RNF130: variants seen among roughly 807,000 people sequenced by gnomAD.
RNF130 encodes the protein E3 ubiquitin-protein ligase RNF130.
In RNF130, 21 loss-of-function variants were observed where a neutral mutation model predicts 44.6. The ratio of observed to expected loss-of-function variants is 0.47; its 90% CI spans 0.33 to 0.68. The LOEUF (loss-of-function observed/expected upper bound fraction) is 0.68. Ranked by LOEUF, RNF130 falls within the 30% of genes least tolerant of loss-of-function variation. RNF130 has a pLI of 0.02. For synonymous variants in RNF130, 214 were observed against 210.4 expected, an observed-to-expected ratio of 1.02 and a Z score of -0.15; for missense variants, 479 against 560.6, an observed-to-expected ratio of 0.85 and a Z score of 1.47.
chr5:179,921,318 G>T (rs893595132), intron 7 of RNF130, among the ~76,000 whole-genome samples: 3 of 152,176 alleles, frequency 2.0e-5, no homozygotes, highest in Non-Finnish European at 4.4e-5. Flanking sequence ...AGATTAGTTT[G>T]CATCTTTCTA....
chr5:180,037,506 G>C (rs1764277089), intron 2 of RNF130, among the ~76,000 whole-genome samples: 1 of 152,156 alleles, frequency 6.6e-6, no homozygotes, highest in East Asian at 1.9e-4. Context: ...GAAAACCTGG[G>C]ACTAAAACTA....
intron 5 of RNF130, among the ~76,000 whole-genome samples, chr5:179,975,852 C>A (rs1022672704): frequency 6.6e-6 from 1 of 152,146 alleles, no homozygotes; most frequent in Admixed American, 6.5e-5. Flanking sequence ...GCAGGTGCAG[C>A]GCAGAAATGG....
rs544523505 is a variant in RNF130, at chr5:180,006,632, G to C, written c.693+6429C>G. ...ATATTCAGGAGTCCATTAAGTGGCA[G>C]AATATTTTACATCTGCCCCGTTCCT... On this transcript the variant is annotated intron_variant, in intron 3 of 8. Coordinates refer to ENST00000521389, the MANE Select transcript of RNF130 (RefSeq NM_018434.6). Among the ~76,000 whole-genome samples, 29 of 152,318 alleles carry C rather than the reference G, an allele frequency of 1.9e-4. No homozygotes were observed. The South Asian group carries it at 3.7e-3, about 20-fold the overall frequency.
At chr5:179,922,248 C>T (rs888751962) in intron 7 of RNF130, among the ~76,000 whole-genome samples, 2 of 149,338 alleles carry the variant, frequency 1.3e-5, no homozygotes, top group Admixed American at 6.6e-5. Flanking sequence ...CGTGTATCTT[C>T]GTTTGTGAAG....
At chr5:179,963,853 A>C in intron 7 of RNF130, 1 of 372,274 alleles carries the variant, frequency 2.7e-6, no homozygotes, top group Non-Finnish European at 5.0e-6. Context: ...CGGTGAAAAT[A>C]TGTATATAAA....
At chr5:179,999,091 C>G (rs994339620) in intron 3 of RNF130, among the ~76,000 whole-genome samples, 6 of 145,696 alleles carry the variant, frequency 4.1e-5, no homozygotes, top group Admixed American at 1.4e-4. Flanking sequence ...GGTGTGATCT[C>G]AACTCACTGC....
intron 5 of RNF130, among the ~76,000 whole-genome samples, chr5:179,974,580 T>C (rs1037482641): frequency 1.3e-5 from 2 of 152,310 alleles, no homozygotes; most frequent in East Asian, 1.9e-4. Context: ...CTAGCTGAGC[T>C]TGTGAATCGT....
downstream of RNF130, among the ~76,000 whole-genome samples, chr5:179,953,163 G>A (rs1762152593): frequency 6.6e-6 from 1 of 152,162 alleles, no homozygotes; most frequent in African/African-American, 2.4e-5. Context: ...AAAGATCAAT[G>A]TAGAAAAATT....
chr5:179,936,905 A>G (rs1199287285), intron 7 of RNF130, among the ~76,000 whole-genome samples: 1 of 152,212 alleles, frequency 6.6e-6, no homozygotes, highest in East Asian at 1.9e-4. Flanking sequence ...GGATATCCAC[A>G]TGCAAAAAAA....
chr5:180,016,974 G>A (rs914872254), intron 2 of RNF130, among the ~76,000 whole-genome samples: 3 of 152,150 alleles, frequency 2.0e-5, no homozygotes, highest in African/African-American at 7.2e-5. Flanking sequence ...TTTAATAGAT[G>A]GTCCATTTTC....
chr5:179,984,836 T>C (rs1225057929), intron 3 of RNF130, among the ~76,000 whole-genome samples: 1 of 152,178 alleles, frequency 6.6e-6, no homozygotes, highest in Non-Finnish European at 1.5e-5. Context: ...GTATGAAACA[T>C]TTCCAGTGCC....
At position 179,991,635 on chromosome 5, in the gene RNF130, C is replaced by T. The variant is rs115593097; in HGVS notation, c.694-11435G>A. ...TTCCACTTGATCTAGATCAGTGGCC[C>T]CCAACCTTTTTGGCACCAGTGACTG... On this transcript the variant is annotated intron_variant, in intron 3 of 8. Transcript: ENST00000521389. 1.7e-3 allele frequency among the ~76,000 whole-genome samples: 259 copies of T among 152,204 alleles called. 1 individual carries two copies. Among genetic ancestry groups the T allele is most frequent in the African/African-American group, 5.9e-3 (247 of 41,546 alleles).
chr5:179,999,688 G>A (rs1763289877), intron 3 of RNF130, among the ~76,000 whole-genome samples: 2 of 152,166 alleles, frequency 1.3e-5, no homozygotes. Context: ...CTGCACTCCA[G>A]CCTAGGCGAG....
At chr5:180,018,230 G>C (rs1561694769) in intron 2 of RNF130, among the ~76,000 whole-genome samples, 1 of 151,250 alleles carries the variant, frequency 6.6e-6, no homozygotes, top group Non-Finnish European at 1.5e-5. Context: ...GGGTGGTGGA[G>C]GTTTCAGTGA....
intron 8 of RNF130, 115 bp from the exon 9 acceptor site, chr5:179,955,784 C>T: frequency 6.3e-6 from 5 of 799,088 alleles, no homozygotes; most frequent in Non-Finnish European, 1.0e-5. Context: ...TAGTTCCCAA[C>T]CCCTCTGGTA....
intron 7 of RNF130, among the ~76,000 whole-genome samples, chr5:179,949,267 A>ATT (rs770299135): frequency 7.0e-6 from 1 of 143,494 alleles, no homozygotes. Context: ...TGCCCAGACA[A>ATT]TTTTTTTTTT....
At position 180,065,898 on chromosome 5, in the gene RNF130, G is replaced by A. The variant is rs926186660; in HGVS notation, c.247+5558C>T. On this transcript the variant is annotated intron_variant, in intron 1 of 8. Coordinates refer to ENST00000521389, the MANE Select transcript of RNF130 (RefSeq NM_018434.6). ...AGGTATCTTATTCACAACTGCCTCGGAATAACTTTCAATTATTGTCCAAAT... is the reference window on the plus strand; with the variant it reads ...AGGTATCTTATTCACAACTGCCTCGAAATAACTTTCAATTATTGTCCAAAT... Among the ~76,000 whole-genome samples, 7 of 151,838 alleles carry A rather than the reference G, an allele frequency of 4.6e-5. No homozygotes were observed. In the East Asian group the frequency reaches 7.7e-4, roughly 17 times the overall value.
At chr5:179,935,715 A>G (rs1207608652) in intron 7 of RNF130, among the ~76,000 whole-genome samples, 1 of 151,434 alleles carries the variant, frequency 6.6e-6, no homozygotes, top group East Asian at 1.9e-4. Context: ...TTTTCTCTCT[A>G]TTAGTGTATT....
chr5:180,030,726 T>C (rs1764114495), intron 2 of RNF130, among the ~76,000 whole-genome samples: 1 of 152,216 alleles, frequency 6.6e-6, no homozygotes, highest in South Asian at 2.1e-4. Context: ...ACACAGCCAC[T>C]AATGTGCTTT....
Sources: allele counts gnomAD v4.1 joint callset (sites outside exome capture counted in the v4.1 genomes callset), GRCh38; gene constraint gnomAD v4.1.1; transcripts MANE v1.5; gene names NCBI Gene and HGNC (gene_info 2026-07-23, HGNC 2026-07-21).